BMERB1: variants seen among roughly 807,000 people sequenced by gnomAD.
BMERB1 encodes the protein bMERB domain containing 1.
In BMERB1, 12 loss-of-function variants were observed where a neutral mutation model predicts 23.6. The ratio of observed to expected loss-of-function variants is 0.51; its 90% CI spans 0.33 to 0.82. BMERB1 has a LOEUF of 0.82. Among genes scored for constraint, BMERB1 ranks in the 40% least tolerant of loss-of-function variants. The pLI, the probability that BMERB1 is intolerant of heterozygous loss-of-function variation, is 0.03. For missense variants in BMERB1, 247 were observed against 255.4 expected, an observed-to-expected ratio of 0.97 and a Z score of 0.22; for synonymous variants, 122 against 96.6, an observed-to-expected ratio of 1.26 and a Z score of -1.54.
In BMERB1 at chr16:15,502,523, T is replaced by G. The variant is rs1381165260; in HGVS notation, c.107-12782T>G. On this transcript the variant is annotated intron_variant, in intron 1 of 5. Coordinates refer to ENST00000300006, the MANE Select transcript of BMERB1 (RefSeq NM_033201.3). ...TTAAAAGCAACGGGCGGCTTCCCAT[T>G]ACATTCACGTTATAGCAAGAAGGCG... 5 of 717,922 alleles carry G rather than the reference T, an allele frequency of 7.0e-6. No homozygotes were observed. In the East Asian group the frequency reaches 1.4e-4, roughly 19 times the overall value. The allele number at this position is 717,922 out of a possible 1,614,324, so 44.5% of individuals were successfully genotyped here.
intron 2 of BMERB1, among the ~76,000 whole-genome samples, chr16:15,519,801 G>A (rs2051827192): frequency 6.6e-6 from 1 of 152,028 alleles, no homozygotes; most frequent in Non-Finnish European, 1.5e-5. Flanking sequence ...GATTTAACTT[G>A]TCCTTTCCCC....
chr16:15,495,097 T>C (rs1210045710), intron 1 of BMERB1, among the ~76,000 whole-genome samples: 1 of 151,978 alleles, frequency 6.6e-6, no homozygotes, highest in Non-Finnish European at 1.5e-5. Context: ...TTGGCCAAGC[T>C]GGTCTCGAAC....
intron 2 of BMERB1, among the ~76,000 whole-genome samples, chr16:15,515,766 C>T (rs2051744032): frequency 6.6e-6 from 1 of 152,094 alleles, no homozygotes; most frequent in African/African-American, 2.4e-5. Context: ...TCAGATAGGC[C>T]TGAGTTTTTT....
intron 2 of BMERB1, among the ~76,000 whole-genome samples, chr16:15,534,859 C>G (rs1453259774): frequency 6.6e-6 from 1 of 152,212 alleles, no homozygotes; most frequent in Non-Finnish European, 1.5e-5. Context: ...TTATGCTGAG[C>G]TCTTGCAAGT....
At chr16:15,441,101 G>A (rs1213254971) in intron 1 of BMERB1, among the ~76,000 whole-genome samples, 4 of 152,192 alleles carry the variant, frequency 2.6e-5, no homozygotes, top group Non-Finnish European at 2.9e-5. Context: ...AGCCAGACTA[G>A]GTAGGGCCTT....
chr16:15,574,228 C>G (rs1015106013), intron 3 of BMERB1, among the ~76,000 whole-genome samples: 1 of 152,150 alleles, frequency 6.6e-6, no homozygotes, highest in African/African-American at 2.4e-5. Context: ...CATGGGAACT[C>G]GCTCACTATC....
At chr16:15,569,211 G>A (rs752333901) in intron 3 of BMERB1, among the ~76,000 whole-genome samples, 15 of 151,646 alleles carry the variant, frequency 9.9e-5, no homozygotes, top group African/African-American at 2.2e-4. Context: ...GCGAGACTCC[G>A]ACTCAAAAAA....
At chr16:15,511,063 G>A (rs1192901899) in intron 1 of BMERB1, among the ~76,000 whole-genome samples, 2 of 151,970 alleles carry the variant, frequency 1.3e-5, no homozygotes, top group Non-Finnish European at 2.9e-5. Context: ...TGTCCTCACT[G>A]CTTCAATCCC....
At chr16:15,504,738 C>T (rs924373040) in intron 1 of BMERB1, among the ~76,000 whole-genome samples, 1 of 151,718 alleles carries the variant, frequency 6.6e-6, no homozygotes, top group African/African-American at 2.4e-5. Flanking sequence ...CAGACATGAG[C>T]CACCACATCC....
chr16:15,442,293 G>A (rs2050945712), intron 1 of BMERB1, among the ~76,000 whole-genome samples: 2 of 150,818 alleles, frequency 1.3e-5, no homozygotes, highest in African/African-American at 4.9e-5. Flanking sequence ...TCACACCATT[G>A]CACTCCAGCC....
At chr16:15,558,728 T>C (rs1598519644) in intron 2 of BMERB1, among the ~76,000 whole-genome samples, 1 of 152,018 alleles carries the variant, frequency 6.6e-6, no homozygotes, top group African/African-American at 2.4e-5. Context: ...GTTAGGTATA[T>C]ATCATTTGGC....
At chr16:15,436,980 G>A (rs917260309) in intron 1 of BMERB1, among the ~76,000 whole-genome samples, 2 of 151,804 alleles carry the variant, frequency 1.3e-5, no homozygotes, top group African/African-American at 2.4e-5. Context: ...TTAAAATCTT[G>A]CATAGATTTA....
At chr16:15,469,138 A>AT (rs995198279) in intron 1 of BMERB1, among the ~76,000 whole-genome samples, 64 of 151,482 alleles carry the variant, frequency 4.2e-4, no homozygotes, top group Admixed American at 8.6e-4. Context: ...TAACTTTTGT[A>AT]TTTTTTTAGT....
At chr16:15,482,896 G>A (rs2051334838) in intron 1 of BMERB1, among the ~76,000 whole-genome samples, 1 of 151,942 alleles carries the variant, frequency 6.6e-6, no homozygotes, top group Admixed American at 6.6e-5. Context: ...CCATTCAGTG[G>A]GGGAGATCTG....
intron 2 of BMERB1, among the ~76,000 whole-genome samples, chr16:15,519,748 C>T (rs1296699349): frequency 6.6e-6 from 1 of 152,080 alleles, no homozygotes; most frequent in Admixed American, 6.6e-5. Context: ...AGCTCTGGCA[C>T]CCTCACATTT....
At chr16:15,570,996 G>GT (rs1296827565) in intron 3 of BMERB1, among the ~76,000 whole-genome samples, 1 of 152,088 alleles carries the variant, frequency 6.6e-6, no homozygotes, top group African/African-American at 2.4e-5. Context: ...GCTTTGGTGG[G>GT]TTTTGGCAGC....
At chr16:15,478,699 T>C (rs775998541) in intron 1 of BMERB1, among the ~76,000 whole-genome samples, 6 of 152,176 alleles carry the variant, frequency 3.9e-5, no homozygotes, top group Non-Finnish European at 7.3e-5. Context: ...GGTAACACTT[T>C]TTGCACCTTA....
chr16:15,555,157 G>A (rs1395619675), intron 2 of BMERB1, among the ~76,000 whole-genome samples: 1 of 152,016 alleles, frequency 6.6e-6, no homozygotes, highest in East Asian at 1.9e-4. Context: ...TCACCCAGGA[G>A]CTCAACCTCC....
At chr16:15,502,730 G>A (rs1181571084) in intron 1 of BMERB1, among the ~76,000 whole-genome samples, 1 of 152,176 alleles carries the variant, frequency 6.6e-6, no homozygotes, top group East Asian at 1.9e-4. Context: ...TCTCTTTTGG[G>A]TCAATAGCAG....
Sources: allele counts gnomAD v4.1 joint callset (sites outside exome capture counted in the v4.1 genomes callset), GRCh38; gene constraint gnomAD v4.1.1; transcripts MANE v1.5; gene names NCBI Gene and HGNC (gene_info 2026-07-23, HGNC 2026-07-21).